The following LRRC4C variants were observed in gnomAD, a reference collection of about 807,000 sequenced individuals.
LRRC4C encodes the protein leucine rich repeat containing 4C, also known as leucine-rich repeat-containing protein 4C.
Under a neutral mutation model 33.6 loss-of-function variants are expected in LRRC4C, and 5 were observed. The observed-to-expected ratio is 0.15, with a 90% CI of 0.08 to 0.31. LRRC4C has a LOEUF of 0.31. LRRC4C is among the 10% of genes least tolerant of loss of function. The pLI is 1.00. For synonymous variants in LRRC4C, 329 were observed against 302.0 expected (o/e 1.09, Z -0.93); for missense variants, 560 against 796.7 (o/e 0.70, Z 3.58).
intron 3 of LRRC4C, among the ~76,000 whole-genome samples, chr11:40,552,469 G>A (rs565569224): frequency 2.6e-5 from 4 of 152,140 alleles, no homozygotes; most frequent in Non-Finnish European, 5.9e-5. Context: ...CTGAGTGGTA[G>A]AAATCTCTAT....
At chr11:40,961,248 G>A (rs1309700016) in intron 1 of LRRC4C, among the ~76,000 whole-genome samples, 1 of 151,692 alleles carries the variant, frequency 6.6e-6, no homozygotes, top group African/African-American at 2.4e-5. Flanking sequence ...AATAGCAAAT[G>A]TCAGATCATG....
chr11:40,181,222 T>C (rs1201490338), intron 5 of LRRC4C, among the ~76,000 whole-genome samples: 1 of 152,150 alleles, frequency 6.6e-6, no homozygotes, highest in Non-Finnish European at 1.5e-5. Context: ...CATGTCTCCC[T>C]CCTTTCTCTT....
At chr11:40,892,983 A>C (rs1955787331) in intron 2 of LRRC4C, among the ~76,000 whole-genome samples, 1 of 152,194 alleles carries the variant, frequency 6.6e-6, no homozygotes, top group South Asian at 2.1e-4. Context: ...CACCCAATCC[A>C]AGGTCACAAG....
chr11:40,363,478 G>A (rs1332797468), intron 3 of LRRC4C, among the ~76,000 whole-genome samples: 1 of 152,022 alleles, frequency 6.6e-6, no homozygotes, highest in Non-Finnish European at 1.5e-5. Context: ...ATACCTGTGG[G>A]TGACGAAATA....
chr11:40,350,360 A>G (rs1947328170), intron 3 of LRRC4C, among the ~76,000 whole-genome samples: 1 of 151,958 alleles, frequency 6.6e-6, no homozygotes, highest in African/African-American at 2.4e-5. Context: ...TCCTTTCCCT[A>G]GTGTATGTTC....
At chr11:40,330,830 C>T (rs1476744736) in intron 3 of LRRC4C, among the ~76,000 whole-genome samples, 1 of 152,166 alleles carries the variant, frequency 6.6e-6, no homozygotes, top group Non-Finnish European at 1.5e-5. Flanking sequence ...TGGGTTAGGA[C>T]ACAGCCAAAC....
chr11:40,616,156 A>T (rs1464552973), intron 3 of LRRC4C, among the ~76,000 whole-genome samples: 1 of 152,068 alleles, frequency 6.6e-6, no homozygotes, highest in Non-Finnish European at 1.5e-5. Context: ...GACACATGAA[A>T]AAATGCTCAT....
chr11:40,443,793 T>C (rs1445856046), intron 3 of LRRC4C, among the ~76,000 whole-genome samples: 1 of 152,230 alleles, frequency 6.6e-6, no homozygotes, highest in Non-Finnish European at 1.5e-5. Context: ...TGTTCTAGTA[T>C]AATGTTTTAC....
chr11:40,660,057 T>G (rs1943351831), intron 2 of LRRC4C, among the ~76,000 whole-genome samples: 1 of 152,212 alleles, frequency 6.6e-6, no homozygotes, highest in Non-Finnish European at 1.5e-5. Flanking sequence ...TTCCTTGTGT[T>G]TCCAAGCTTC....
intron 2 of LRRC4C, among the ~76,000 whole-genome samples, chr11:40,892,059 C>T (rs1462198343): frequency 4.1e-5 from 6 of 146,864 alleles, no homozygotes; most frequent in Non-Finnish European, 7.4e-5. Context: ...AACTTGAACC[C>T]GTGAGGCGGA....
At position 40,489,494 on chromosome 11, in the gene LRRC4C, T is replaced by A. The variant is rs79300527; in HGVS notation, c.-270+158648A>T. On this transcript the variant is annotated intron_variant, in intron 3 of 6. Coordinates refer to ENST00000528697, the MANE Select transcript of LRRC4C (RefSeq NM_001258419.2). ...ACATGACTCCAAAAGATACTTTATA[T>A]TAATACCCTGCCAGGTTGTCATTAT... Among the ~76,000 whole-genome samples, 806 of 152,210 alleles carry A rather than the reference T, an allele frequency of 5.3e-3. 1 individual carries two copies. The highest frequency in any genetic ancestry group is 0.018 in the African/African-American group (756 of 41,544).
chr11:40,661,625 T>C (rs1490037421), intron 2 of LRRC4C, among the ~76,000 whole-genome samples: 2 of 152,222 alleles, frequency 1.3e-5, no homozygotes, highest in Non-Finnish European at 2.9e-5. Context: ...GGTATTTAAC[T>C]AAAAGTGTTT....
chr11:40,503,518 T>G (rs780243461), intron 3 of LRRC4C, among the ~76,000 whole-genome samples: 12 of 152,212 alleles, frequency 7.9e-5, no homozygotes, highest in Non-Finnish European at 1.6e-4. Context: ...ATATTGTCTA[T>G]GCACATTCTT....
chr11:40,329,273 T>A (rs948885617), intron 3 of LRRC4C, among the ~76,000 whole-genome samples: 1 of 152,214 alleles, frequency 6.6e-6, no homozygotes, highest in Non-Finnish European at 1.5e-5. Flanking sequence ...TGCAGTGATG[T>A]CACAGGAGAA....
intron 1 of LRRC4C, among the ~76,000 whole-genome samples, chr11:41,158,274 C>G (rs1025597537): frequency 6.6e-6 from 1 of 152,062 alleles, no homozygotes; most frequent in African/African-American, 2.4e-5. Context: ...GAGCACATGT[C>G]CCCTAGTTAC....
intron 1 of LRRC4C, among the ~76,000 whole-genome samples, chr11:40,935,722 C>G (rs1957851229): frequency 6.6e-6 from 1 of 151,706 alleles, no homozygotes; most frequent in Admixed American, 6.6e-5. Flanking sequence ...AGAATGTATT[C>G]CCAAGAGAAA....
chr11:40,463,029 ATTCTCTGCTG>A (rs1187188600), intron 3 of LRRC4C, among the ~76,000 whole-genome samples: 2 of 152,076 alleles, frequency 1.3e-5, no homozygotes, highest in African/African-American at 4.8e-5. Context: ...CCTACGATTC[ATTCTCTGCTG>A]GCTTCAATTA....
At chr11:40,431,172 T>G (rs2137852176) in intron 3 of LRRC4C, among the ~76,000 whole-genome samples, 1 of 147,246 alleles carries the variant, frequency 6.8e-6, no homozygotes, top group Non-Finnish European at 1.5e-5. Flanking sequence ...TCAGCCAGGC[T>G]AATCCCAGCA....
At chr11:40,694,419 T>C (rs1945387792) in intron 2 of LRRC4C, among the ~76,000 whole-genome samples, 4 of 152,190 alleles carry the variant, frequency 2.6e-5, no homozygotes, top group Admixed American at 2.6e-4. Flanking sequence ...TTGAGTTTTA[T>C]AAAATAAATG....
Sources: allele counts gnomAD v4.1 joint callset (sites outside exome capture counted in the v4.1 genomes callset), GRCh38; gene constraint gnomAD v4.1.1; transcripts MANE v1.5; gene names NCBI Gene and HGNC (gene_info 2026-07-23, HGNC 2026-07-21).